BEGAIN: variants seen among roughly 807,000 people sequenced by gnomAD.
BEGAIN encodes brain-enriched guanylate kinase-associated protein.
A neutral mutation model predicts 35.8 loss-of-function variants in BEGAIN; 19 were observed. The ratio of observed to expected loss-of-function variants is 0.53; its 90% CI spans 0.37 to 0.78. The LOEUF (loss-of-function observed/expected upper bound fraction) is 0.78. Ranked by LOEUF, BEGAIN falls within the 30% of genes least tolerant of loss-of-function variation. The pLI is 0.00. For missense variants in BEGAIN, 795 were observed against 853.6 expected, an observed-to-expected ratio of 0.93 and a Z score of 0.85; for synonymous variants, 462 against 388.6, an observed-to-expected ratio of 1.19 and a Z score of -2.22.
At chr14:100,539,860 C>T (rs1380055963) in intron 6 of BEGAIN, among the ~76,000 whole-genome samples, 2 of 152,000 alleles carry the variant, frequency 1.3e-5, no homozygotes, top group African/African-American at 4.8e-5. Flanking sequence ...GGGGGTGTCC[C>T]GCTACTGTTT....
intron 1 of BEGAIN, chr14:100,577,742 C>T: frequency 2.5e-6 from 1 of 399,144 alleles, no homozygotes; most frequent in Non-Finnish European, 4.4e-6. Flanking sequence ...CGGGCCATCT[C>T]CTGGCTGGAC....
In BEGAIN at chr14:100,538,749, G is replaced by C; in HGVS notation, c.1059C>G (p.Phe353Leu). 1 of 1,574,852 alleles carries C rather than the reference G, an allele frequency of 6.3e-7. No individual in the cohort carries two copies. Among genetic ancestry groups the C allele is most frequent in the Non-Finnish European group, 8.6e-7 (1 of 1,161,146 alleles). Reference sequence around the variant, plus strand: ...AGGTGGTGGCGGGTGGCTTGCGGTCGAAGAGCTCGTCGCGGCTGTTCAGGT... The same window carrying C: ...AGGTGGTGGCGGGTGGCTTGCGGTCCAAGAGCTCGTCGCGGCTGTTCAGGT... ...AIYLNSRDEL[F>L]DRKPPATTYE... The change falls in exon 7 of 7, where the codon TTC (phenylalanine) becomes TTG (leucine). Residue 353 changes from phenylalanine to leucine, a missense_variant. Coordinates refer to ENST00000554140, the MANE Select transcript of BEGAIN (RefSeq NM_001385089.1).
rs1432084659 is a variant in BEGAIN, at chr14:100,586,445, T to C, written c.42+804A>G. ...CCCACTCTGCTCCCATTCTGCCGGC[T>C]CAGGAGACTCCAGCGCGTCGCCCAC... On this transcript the variant is annotated intron_variant, in intron 1 of 6. Transcript: ENST00000554140. The surrounding 1 kb of genome is among the most constrained non-coding windows in gnomAD (Gnocchi z 4.9). 6.6e-6 allele frequency among the ~76,000 whole-genome samples: 1 copy of C among 152,094 alleles called. No homozygotes were observed. The highest frequency in any genetic ancestry group is 2.4e-5 in the African/African-American group (1 of 41,402).
At chr14:100,566,925 C>T (rs1263833469) in intron 2 of BEGAIN, among the ~76,000 whole-genome samples, 1 of 152,184 alleles carries the variant, frequency 6.6e-6, no homozygotes, top group African/African-American at 2.4e-5. Context: ...AGCCACTCAC[C>T]CACGGCACTA....
At position 100,545,039 on chromosome 14, in the gene BEGAIN, C is replaced by T. The variant is rs778451982; in HGVS notation, c.261G>A (p.Gln87=). ...TGTCCTCCAGCTCCTGGTTGATCCT[C>T]TGCAGTGCCATGTAGTTGCTCTGAA... is the stretch of plus-strand genomic sequence containing the variant. ...RRIQSNYMAL[Q]RINQELEDKL... The change falls in exon 4 of 7, where the codon CAG becomes CAA. Residue 87 remains glutamine, a synonymous_variant. Transcript: ENST00000554140. 6.2e-7 allele frequency: 1 copy of T among 1,613,378 alleles called. No homozygotes were observed. The highest frequency in any genetic ancestry group is 8.5e-7 in the Non-Finnish European group (1 of 1,179,992).
intron 1 of BEGAIN, among the ~76,000 whole-genome samples, chr14:100,581,582 G>A (rs1056025627): frequency 3.9e-5 from 6 of 152,138 alleles, no homozygotes; most frequent in African/African-American, 7.2e-5. Flanking sequence ...ATCCCCACCC[G>A]CCTCTGTGCA....
chr14:100,579,999 G>A (rs746497779), intron 1 of BEGAIN, among the ~76,000 whole-genome samples: 13 of 151,116 alleles, frequency 8.6e-5, no homozygotes, highest in Non-Finnish European at 1.6e-4. Context: ...CACGGCGAGT[G>A]TGACCTTTTA....
At chr14:100,544,303 T>C (rs1367867570) in intron 4 of BEGAIN, among the ~76,000 whole-genome samples, 1 of 152,050 alleles carries the variant, frequency 6.6e-6, no homozygotes, top group African/African-American at 2.4e-5. Flanking sequence ...ACTGGACAGA[T>C]TGGGAAACTG....
intron 2 of BEGAIN, among the ~76,000 whole-genome samples, chr14:100,566,126 T>G (rs2034660131): frequency 6.6e-6 from 1 of 152,188 alleles, no homozygotes; most frequent in Non-Finnish European, 1.5e-5. Context: ...TAGGAGTCCT[T>G]GCCCCACGCC....
intron 1 of BEGAIN, among the ~76,000 whole-genome samples, chr14:100,582,423 G>C (rs541161512): frequency 1.3e-5 from 2 of 152,210 alleles, no homozygotes; most frequent in Non-Finnish European, 2.9e-5. Context: ...GATTACAGGC[G>C]TGAGCCACCG....
chr14:100,577,593 C>T (rs1393352060), intron 1 of BEGAIN: 2 of 398,978 alleles, frequency 5.0e-6, no homozygotes, highest in African/African-American at 2.1e-5. Context: ...GGTCCAGAAC[C>T]CGCACAGTGA....
intron 2 of BEGAIN, among the ~76,000 whole-genome samples, chr14:100,562,054 T>C (rs377334769): frequency 6.6e-6 from 1 of 152,146 alleles, no homozygotes; most frequent in Non-Finnish European, 1.5e-5. Flanking sequence ...TGAGAATTAG[T>C]CCATAAGACT....
In BEGAIN at chr14:100,587,297, A is replaced by G; in HGVS notation, c.-7T>C. On this transcript the variant is annotated 5_prime_UTR_variant, in exon 1 of 7. Coordinates refer to ENST00000554140, the MANE Select transcript of BEGAIN (RefSeq NM_001385089.1). ...GGCGACCGCCAGTCCACATGGCCCC[A>G]GGGCAGCCGCGCCGCTCACCGCCGC... is the stretch of plus-strand genomic sequence containing the variant. The G allele has an allele frequency of 6.4e-6, 1 of 155,794 alleles. No homozygotes were observed. The highest frequency in any genetic ancestry group is 1.5e-4 in the South Asian group (1 of 6,696). The allele number at this position is 155,794 out of a possible 1,614,324, so 9.7% of individuals were successfully genotyped here. A position where few individuals can be genotyped will look rare whatever the true frequency, so the allele number is the denominator to read the frequency against.
Position 100,587,246 on chromosome 14 carries a change from C to T in BEGAIN, c.42+3G>A. Reference sequence around the variant, plus strand: ...CCTGCCCTCCCGGCTCGCAGGTACTCACCGCCCGGCGCAGCCGGCCCGGCC... The same window carrying T: ...CCTGCCCTCCCGGCTCGCAGGTACTTACCGCCCGGCGCAGCCGGCCCGGCC... On this transcript the variant is annotated splice_donor_region_variant and intron_variant, in intron 1 of 6. Transcript: ENST00000554140. 1 of 194,752 alleles carries T rather than the reference C, an allele frequency of 5.1e-6. No individual in the cohort carries two copies. The allele number at this position is 194,752 out of a possible 1,614,324, so 12.1% of individuals were successfully genotyped here. A position where few individuals can be genotyped will look rare whatever the true frequency, so the allele number is the denominator to read the frequency against.
At position 100,537,768 on chromosome 14, in the gene BEGAIN, G is replaced by A; in HGVS notation, c.*201C>T. 1 of 746,362 alleles carries A rather than the reference G, an allele frequency of 1.3e-6. No individual in the cohort carries two copies. The highest frequency in any genetic ancestry group is 2.2e-5 in the South Asian group (1 of 44,912). The allele number at this position is 746,362 out of a possible 1,614,324, so 46.2% of individuals were successfully genotyped here. A position where few individuals can be genotyped will look rare whatever the true frequency, so the allele number is the denominator to read the frequency against. ...GCTCTAAGTGGAGTTCCACGGGCCG[G>A]GGCCGGGTGGACACCGTGGTGTGGG... On this transcript the variant is annotated 3_prime_UTR_variant, in exon 7 of 7. Transcript: ENST00000554140.
chr14:100,568,322 CGTTAACCCTTCCTG>C lies in BEGAIN; in HGVS notation c.43-397_43-384del. 1 of 759,368 alleles carries C rather than the reference CGTTAACCCTTCCTG, an allele frequency of 1.3e-6. No individual in the cohort carries two copies. 47.0% of individuals were successfully genotyped at this position (759,368 alleles called of 1,614,324 possible). On this transcript the variant is annotated intron_variant, in intron 1 of 6. Transcript: ENST00000554140. This position sits in a 1 kb window ranked among gnomAD's most constrained non-coding sequence, Gnocchi z 7.5. ...GCCCCGCTGCTCCCCCCGCCCCGCC[CGTTAACCCTTCCTG>C]CCCCGCGCTCCCTCCCGGAGGAAGC...
At chr14:100,576,865 C>T (rs1388557582) in intron 1 of BEGAIN, among the ~76,000 whole-genome samples, 2 of 152,182 alleles carry the variant, frequency 1.3e-5, no homozygotes, top group African/African-American at 4.8e-5. Context: ...GCTCTACAGC[C>T]CAAGCCCGGA....
intron 2 of BEGAIN, chr14:100,546,974 G>T: frequency 3.9e-6 from 1 of 256,580 alleles, no homozygotes; most frequent in Non-Finnish European, 7.5e-6. Flanking sequence ...TTTGACCCCA[G>T]AACCTGGCCA....
At chr14:100,577,632 T>C (rs2035229725) in intron 1 of BEGAIN, 2 of 399,052 alleles carry the variant, frequency 5.0e-6, no homozygotes, top group African/African-American at 2.1e-5. Flanking sequence ...AGAAGGGCAG[T>C]CTGGCCTCCC....
Sources: allele counts gnomAD v4.1 joint callset (sites outside exome capture counted in the v4.1 genomes callset), GRCh38; gene constraint gnomAD v4.1.1; non-coding constraint Gnocchi (gnomAD v3.1); transcripts MANE v1.5; gene names NCBI Gene and HGNC (gene_info 2026-07-23, HGNC 2026-07-21).